Variants in UTP15 observed in about 807,000 individuals in gnomAD.
UTP15 encodes the protein U3 small nucleolar RNA-associated protein 15 homolog.
Under a neutral mutation model 59.1 loss-of-function variants are expected in UTP15, and 5 were observed. The observed-to-expected ratio is 0.08, with a 90% CI of 0.04 to 0.18. The LOEUF is 0.18. Among genes scored for constraint, UTP15 ranks in the 10% least tolerant of loss-of-function variants. The pLI is 1.00. For missense variants in UTP15, 494 were observed against 616.7 expected (o/e 0.80, Z 2.11); for synonymous variants, 211 against 212.2 (o/e 0.99, Z 0.05).
chr5:73,568,705 A>G, intron 4 of UTP15, 101 bp downstream of exon 4: 1 of 1,149,000 alleles, frequency 8.7e-7, no homozygotes, highest in South Asian at 1.8e-5. Context: ...TTTTATGGAG[A>G]TTATTTGCCT....
rs761749095 is a variant in UTP15, at chr5:73,568,237, C to T, written c.93C>T (p.Thr31=). 3.1e-6 allele frequency: 5 copies of T among 1,605,818 alleles called. No individual in the cohort carries two copies. The African/African-American group carries it at 6.7e-5, about 22-fold the overall frequency. The stretch of plus-strand genomic sequence containing the variant: ...ACACACTATTATTTTTTATTAAGAC[C>T]CCTGTTCAGATTAAGGAATTTGGTG... ...QDTLYWNNYK[T]PVQIKEFGAV... The change falls in exon 3 of 13, where the codon ACC becomes ACT. Residue 31 remains threonine (T), a splice_region_variant and synonymous_variant. Coordinates refer to ENST00000296792, the MANE Select transcript of UTP15 (RefSeq NM_032175.4).
At position 73,582,347 on chromosome 5, in the gene UTP15, C is replaced by T. The variant is rs1381824444; in HGVS notation, c.*2253C>T. On this transcript the variant is annotated 3_prime_UTR_variant, in exon 13 of 13. Transcript: ENST00000296792. Reference sequence around the variant, plus strand: ...CAGGTTAGGAAGCAATTCCCATAGCCATCAATACTTAAATTCAGGAGTACT... The same window carrying T: ...CAGGTTAGGAAGCAATTCCCATAGCTATCAATACTTAAATTCAGGAGTACT... 1 of 152,152 alleles carries T rather than the reference C, an allele frequency of 6.6e-6. No homozygotes were observed. The highest frequency in any genetic ancestry group is 1.5e-5 in the Non-Finnish European group (1 of 68,036). 9.4% of individuals were successfully genotyped at this position (152,152 alleles called of 1,614,324 possible).
intron 5 of UTP15, among the ~76,000 whole-genome samples, chr5:73,570,295 C>T (rs1747894894): frequency 6.6e-6 from 1 of 152,128 alleles, no homozygotes; most frequent in Non-Finnish European, 1.5e-5. Flanking sequence ...TGCAGTTTAG[C>T]CTTTGTGGGT....
Position 73,567,403 on chromosome 5 carries a change from C to T in UTP15, c.59C>T (p.Thr20Ile). 1.2e-6 allele frequency: 2 copies of T among 1,609,226 alleles called. No individual in the cohort carries two copies. Among genetic ancestry groups the T allele is most frequent in the Non-Finnish European group, 1.7e-6 (2 of 1,177,578 alleles). Residue 20 changes from threonine to isoleucine, a missense_variant, in exon 2 of 13, where the codon ACC becomes ATC. Transcript: ENST00000296792. ...QTYPILGEKI[T>I]QDTLYWNNYK... ...TATCCTATACTTGGTGAAAAAATCA[C>T]CCAAGATACACTGTACTGGAACAAC... is the stretch of plus-strand genomic sequence containing the variant.
At chr5:73,568,361 T>C (rs776532417) in intron 3 of UTP15, 34 bp downstream of exon 3, 1 of 1,586,122 alleles carries the variant, frequency 6.3e-7, no homozygotes, top group South Asian at 1.2e-5. Flanking sequence ...TATTTTTCTT[T>C]TGTATAGTTT....
Position 73,569,644 on chromosome 5 carries a change from T to C in UTP15, c.516T>C (p.Ala172=), listed in dbSNP as rs745772234. 91 of 1,611,824 alleles carry C rather than the reference T, an allele frequency of 5.6e-5. No individual in the cohort carries two copies. Among genetic ancestry groups the C allele is most frequent in the Non-Finnish European group, 7.6e-5 (90 of 1,179,106 alleles). The change falls in exon 5 of 13, where the codon GCT becomes GCC. Residue 172 remains alanine, a synonymous_variant. Coordinates refer to ENST00000296792, the MANE Select transcript of UTP15 (RefSeq NM_032175.4). Reference sequence around the variant, plus strand: ...CTGATTATGTGAGGTGTGGATGTGCTAGCAAACTTAATCCGGATCTCTTTA... The same window carrying C: ...CTGATTATGTGAGGTGTGGATGTGCCAGCAAACTTAATCCGGATCTCTTTA... The part of the protein sequence containing the change: ...EHSDYVRCGC[A]SKLNPDLFIT...
intron 1 of UTP15, among the ~76,000 whole-genome samples, chr5:73,566,856 G>T (rs760491556): frequency 1.3e-5 from 2 of 152,134 alleles, no homozygotes; most frequent in Non-Finnish European, 2.9e-5. Context: ...AATCAAATCC[G>T]TAACTATAAT....
intron 6 of UTP15, 50 bp from the exon 7 acceptor site, chr5:73,572,439 T>C (rs2112045772): frequency 6.2e-7 from 1 of 1,602,810 alleles, no homozygotes; most frequent in Non-Finnish European, 8.5e-7. Flanking sequence ...ATCTTTAATA[T>C]GTTGAATCTG....
intron 6 of UTP15, among the ~76,000 whole-genome samples, chr5:73,571,815 G>A (rs1747941551): frequency 6.6e-6 from 1 of 152,174 alleles, no homozygotes; most frequent in Non-Finnish European, 1.5e-5. Flanking sequence ...TGTCAGATGT[G>A]TCTACTTTTC....
chr5:73,566,406 G>C (rs1431068497), intron 1 of UTP15, among the ~76,000 whole-genome samples: 1 of 152,208 alleles, frequency 6.6e-6, no homozygotes, highest in Non-Finnish European at 1.5e-5. Context: ...AGTGCCTAGA[G>C]CAGTGTCCTG....
rs534331534 is a variant in UTP15, at chr5:73,567,296, C to T, written c.-49C>T. 3.1e-6 allele frequency: 4 copies of T among 1,307,812 alleles called. No homozygotes were observed. The highest frequency in any genetic ancestry group is 4.3e-6 in the Non-Finnish European group (4 of 938,268). The allele number at this position is 1,307,812 out of a possible 1,614,324, so 81.0% of individuals were successfully genotyped here. ...AGAGTCACTGTAATTATTTCTAATA[C>T]CAATTCCAAAATAGTGACTCTTGGA... On this transcript the variant is annotated 5_prime_UTR_variant, in exon 2 of 13. Transcript: ENST00000296792.
intron 7 of UTP15, 48 bp from the exon 8 acceptor site, chr5:73,576,904 A>AT: frequency 7.5e-7 from 1 of 1,330,426 alleles, no homozygotes; most frequent in Non-Finnish European, 1.1e-6. Flanking sequence ...TTTGCATTTT[A>AT]TACTCGTTTT....
intron 7 of UTP15, 71 bp from the exon 8 acceptor site, chr5:73,576,881 C>G (rs1748114830): frequency 9.4e-7 from 1 of 1,066,356 alleles, no homozygotes; most frequent in East Asian, 2.4e-5. Flanking sequence ...ATTTTGTTTT[C>G]AGAAAATAGA....
intron 8 of UTP15, 29 bp from the exon 9 acceptor site, chr5:73,577,827 G>T: frequency 6.4e-7 from 1 of 1,561,828 alleles, no homozygotes; most frequent in South Asian, 1.2e-5. Flanking sequence ...GTTAAGAATA[G>T]ACTAACTTAT....
At position 73,582,820 on chromosome 5, in the gene UTP15, C is replaced by T. The variant is rs1561282488; in HGVS notation, c.*2726C>T. ...TTAAAATGCTTAACAGACTTTTAGA[C>T]TTATGAGTTTCAGTTGAAAGGTATT... On this transcript the variant is annotated 3_prime_UTR_variant, in exon 13 of 13. Transcript: ENST00000296792. 6.6e-6 allele frequency: 1 copy of T among 152,130 alleles called. No homozygotes were observed. The highest frequency in any genetic ancestry group is 1.9e-4 in the East Asian group (1 of 5,198). The allele number at this position is 152,130 out of a possible 1,614,324, so 9.4% of individuals were successfully genotyped here.
Position 73,565,830 on chromosome 5 carries a change from T to C in UTP15, c.-166T>C. ...GATTTTTACGCCAGTGCTGCTGAACTGTGCAGGGTAGGGAGCTGGCACAGT... is the reference window on the plus strand; with the variant it reads ...GATTTTTACGCCAGTGCTGCTGAACCGTGCAGGGTAGGGAGCTGGCACAGT... On this transcript the variant is annotated 5_prime_UTR_variant, in exon 1 of 13. Transcript: ENST00000296792. 2 of 456,306 alleles carry C rather than the reference T, an allele frequency of 4.4e-6. No individual in the cohort carries two copies. Among genetic ancestry groups the C allele is most frequent in the Non-Finnish European group, 8.8e-6 (2 of 226,952 alleles). 28.3% of individuals were successfully genotyped at this position (456,306 alleles called of 1,614,324 possible). A position where few individuals can be genotyped will look rare whatever the true frequency, so the allele number is the denominator to read the frequency against.
At chr5:73,571,172 C>A (rs560775799) in intron 6 of UTP15, among the ~76,000 whole-genome samples, 19 of 151,790 alleles carry the variant, frequency 1.3e-4, no homozygotes, top group African/African-American at 4.4e-4. Flanking sequence ...TAGCCCTGTG[C>A]CATCTTATTT....
rs955188313 is a variant in UTP15 at position 73,568,261 on chromosome 5, T to G, written c.117T>G (p.Gly39=). The G allele has an allele frequency of 2.5e-6, 4 of 1,610,574 alleles. No homozygotes were observed. The highest frequency in any genetic ancestry group is 3.4e-6 in the Non-Finnish European group (4 of 1,179,170). The change falls in exon 3 of 13, where the codon GGT becomes GGG. Residue 39 remains glycine (G), a synonymous_variant. Transcript: ENST00000296792. ...CCCCTGTTCAGATTAAGGAATTTGG[T>G]GCAGTTTCAAAAGTAGACTTTTCTC... ...YKTPVQIKEF[G]AVSKVDFSPQ...
Position 73,567,324 on chromosome 5 carries a change from A to T in UTP15, c.-21A>T. ...ATTCCAAAATAGTGACTCTTGGACA[A>T]TAGTGCAATTATATGGAATTATGGC... On this transcript the variant is annotated 5_prime_UTR_variant, in exon 2 of 13. Transcript: ENST00000296792. 1 of 1,550,146 alleles carries T rather than the reference A, an allele frequency of 6.5e-7. No homozygotes were observed. The highest frequency in any genetic ancestry group is 2.3e-5 in the East Asian group (1 of 43,484).
Sources: allele counts gnomAD v4.1 joint callset (sites outside exome capture counted in the v4.1 genomes callset), GRCh38; gene constraint gnomAD v4.1.1; transcripts MANE v1.5; gene names NCBI Gene and HGNC (gene_info 2026-07-23, HGNC 2026-07-21).